The following HIF3A variants were observed in gnomAD, a reference collection of about 807,000 sequenced individuals.
HIF3A encodes hypoxia-inducible factor 3-alpha.
A neutral mutation model predicts 67.2 loss-of-function variants in HIF3A; 41 were observed. The ratio of observed to expected loss-of-function variants is 0.61; its 90% CI spans 0.48 to 0.79. HIF3A has a LOEUF of 0.79. Ranked by LOEUF, HIF3A falls within the 30% of genes least tolerant of loss-of-function variation. The pLI is 0.00. For missense variants in HIF3A, 855 were observed against 898.0 expected (o/e 0.95, Z 0.61); for synonymous variants, 356 against 374.8 (o/e 0.95, Z 0.58).
chr19:46,301,237 C>A (rs1157096373), intron 1 of HIF3A, among the ~76,000 whole-genome samples: 1 of 152,052 alleles, frequency 6.6e-6, no homozygotes. Context: ...TGTCTCCAGA[C>A]AGGAAAATAT....
intron 6 of HIF3A, 66 bp downstream of exon 6, chr19:46,309,425 T>A (rs4803926): frequency 5.6e-5 from 50 of 899,378 alleles, no homozygotes; most frequent in Non-Finnish European, 8.3e-5. Context: ...ACCTCCACAC[T>A]CCCGCATTTC....
intron 10 of HIF3A, among the ~76,000 whole-genome samples, chr19:46,323,154 A>C (rs777455505): frequency 3.3e-5 from 5 of 151,630 alleles, no homozygotes; most frequent in Non-Finnish European, 7.4e-5. Flanking sequence ...GGATTCAAGC[A>C]ATGCTCCTGC....
chr19:46,336,398 G>A (rs1169493574), intron 14 of HIF3A, among the ~76,000 whole-genome samples: 6 of 151,768 alleles, frequency 4.0e-5, no homozygotes, highest in South Asian at 2.1e-4. Context: ...GAAGGGTCTC[G>A]CTCTGTCACT....
chr19:46,304,210 GTT>G (rs11355187), intron 2 of HIF3A, 122 bp downstream of exon 2: 31,811 of 810,218 alleles, frequency 0.039, 1,769 homozygotes, highest in African/African-American at 0.22. Context: ...CCCTGGTGTC[GTT>G]TTTTTCGGCG....
intron 8 of HIF3A, among the ~76,000 whole-genome samples, chr19:46,314,073 T>C (rs1217194579): frequency 8.1e-6 from 1 of 123,286 alleles, no homozygotes; most frequent in Non-Finnish European, 1.8e-5. Flanking sequence ...GACATTGGGC[T>C]GTTTCCAAGT....
chr19:46,321,896 T>G lies in HIF3A; in HGVS notation c.1265T>G (p.Leu422Arg). 1 of 1,613,958 alleles carries G rather than the reference T, an allele frequency of 6.2e-7. No homozygotes were observed. The highest frequency in any genetic ancestry group is 8.5e-7 in the Non-Finnish European group (1 of 1,180,020). The change falls in exon 10 of 15, where the codon CTG (leucine) becomes CGG (arginine). Residue 422 changes from leucine to arginine, a missense_variant. Leu to Arg is a moderately radical substitution (Grantham distance 102, BLOSUM62 -2). Coordinates refer to ENST00000377670, the MANE Select transcript of HIF3A (RefSeq NM_152795.4). The stretch of plus-strand genomic sequence containing the variant: ...CTCCGTCGCCTCCTGGGACCCATCC[T>G]GGATGGGGCTTCAGTAGCAGCCACT... ...PDLRRLLGPILDGASVAATPS... is the reference protein window; with the variant it reads ...PDLRRLLGPIRDGASVAATPS...
chr19:46,303,532 AG>A, intron 1 of HIF3A: 1 of 1,305,132 alleles, frequency 7.7e-7, no homozygotes, highest in Non-Finnish European at 1.0e-6. Context: ...TGGCCAGCTC[AG>A]CCAGCCCCCT....
intron 8 of HIF3A, among the ~76,000 whole-genome samples, chr19:46,314,978 C>CAGG (rs1411579025): frequency 6.8e-6 from 1 of 147,302 alleles, no homozygotes; most frequent in East Asian, 2.2e-4. Flanking sequence ...GGGTCACATA[C>CAGG]AGGGAATCCT....
At chr19:46,303,104 A>G (rs1248025765) in intron 1 of HIF3A, among the ~76,000 whole-genome samples, 1 of 152,192 alleles carries the variant, frequency 6.6e-6, no homozygotes, top group Non-Finnish European at 1.5e-5. Context: ...CATCTGTTCA[A>G]TGGGACGTTA....
At chr19:46,308,620 T>C (rs1031189121) in intron 4 of HIF3A, 43 bp from the exon 5 acceptor site, 3 of 1,227,314 alleles carry the variant, frequency 2.4e-6, no homozygotes, top group Middle Eastern at 2.6e-4. Context: ...TGGGCCTGTG[T>C]GTAGCTGCCT....
chr19:46,332,852 C>T (rs1189188495), intron 13 of HIF3A, among the ~76,000 whole-genome samples: 1 of 151,720 alleles, frequency 6.6e-6, no homozygotes, highest in Non-Finnish European at 1.5e-5. Context: ...GGTGTAGGTG[C>T]ACACCTATAG....
chr19:46,302,733 G>A (rs1265652408), intron 1 of HIF3A, among the ~76,000 whole-genome samples: 1 of 152,134 alleles, frequency 6.6e-6, no homozygotes, highest in Non-Finnish European at 1.5e-5. Flanking sequence ...AATTAGCTGG[G>A]CGTGCTGATA....
intron 14 of HIF3A, 81 bp downstream of exon 14, chr19:46,335,067 G>A (rs1971510320): frequency 1.1e-5 from 12 of 1,100,118 alleles, no homozygotes; most frequent in Middle Eastern, 2.1e-4. Context: ...CATTCCAAAG[G>A]TGCTGGGGGA....
intron 8 of HIF3A, among the ~76,000 whole-genome samples, chr19:46,318,548 CAAAAAA>C (rs908312286): frequency 1.8e-5 from 1 of 54,084 alleles, no homozygotes; most frequent in Non-Finnish European, 3.4e-5. Flanking sequence ...GATCCTGTCT[CAAAAAA>C]AAAAAAAAAA....
intron 13 of HIF3A, among the ~76,000 whole-genome samples, chr19:46,333,675 C>A (rs1324240567): frequency 6.6e-6 from 1 of 151,942 alleles, no homozygotes; most frequent in Admixed American, 6.6e-5. Flanking sequence ...AATGGGTGGC[C>A]ACTGGACCTC....
chr19:46,306,157 G>T (rs1056332172), intron 3 of HIF3A, among the ~76,000 whole-genome samples: 1 of 152,158 alleles, frequency 6.6e-6, no homozygotes, highest in African/African-American at 2.4e-5. Context: ...GAGACAAAAG[G>T]CTAGAGAGGT....
chr19:46,323,209 C>T (rs1970512442), intron 10 of HIF3A, among the ~76,000 whole-genome samples: 1 of 152,048 alleles, frequency 6.6e-6, no homozygotes, highest in Non-Finnish European at 1.5e-5. Flanking sequence ...CACTACCACG[C>T]CCAGTTAATT....
chr19:46,305,510 A>G (rs548076063), intron 3 of HIF3A, 120 bp downstream of exon 3: 11 of 986,978 alleles, frequency 1.1e-5, no homozygotes, highest in Non-Finnish European at 1.6e-5. Flanking sequence ...GGATATAGGT[A>G]TGTCACTAGA....
At chr19:46,316,808 A>C (rs1969951805) in intron 8 of HIF3A, among the ~76,000 whole-genome samples, 1 of 151,780 alleles carries the variant, frequency 6.6e-6, no homozygotes, top group Admixed American at 6.6e-5. Context: ...ATCTCAAAAA[A>C]AAAAAAAAAG....
Sources: gnomAD v4.1 joint callset for allele counts (sites outside exome capture counted in the v4.1 genomes callset) on GRCh38, gnomAD v4.1.1 for gene constraint, MANE v1.5 for transcripts, NCBI Gene and HGNC (gene_info 2026-07-23, HGNC 2026-07-21) for gene names.